The following SLC24A3 variants were observed in gnomAD, a reference collection of about 807,000 sequenced individuals.
SLC24A3 encodes sodium/potassium/calcium exchanger 3.
A neutral mutation model predicts 75.8 loss-of-function variants in SLC24A3; 28 were observed. The observed-to-expected ratio is 0.37, with a 90% CI of 0.27 to 0.51. SLC24A3 has a LOEUF of 0.51. Ranked by LOEUF, SLC24A3 falls within the 20% of genes least tolerant of loss-of-function variation. SLC24A3 has a pLI of 0.94. For missense variants in SLC24A3, 663 were observed against 847.8 expected (o/e 0.78, Z 2.71); for synonymous variants, 372 against 334.1 (o/e 1.11, Z -1.24).
chr20:19,328,998 G>A (rs1379997627), intron 2 of SLC24A3, among the ~76,000 whole-genome samples: 14 of 152,184 alleles, frequency 9.2e-5, no homozygotes, highest in Admixed American at 9.2e-4. Flanking sequence ...CACCAGGGAG[G>A]CGGGAGTGAG....
chr20:19,409,461 G>A (rs535383855), intron 2 of SLC24A3, among the ~76,000 whole-genome samples: 10 of 152,166 alleles, frequency 6.6e-5, no homozygotes, highest in South Asian at 2.1e-4. Context: ...GTTCTGTGCC[G>A]GATCAGACAA....
chr20:19,586,206 G>A (rs918106612), intron 6 of SLC24A3, among the ~76,000 whole-genome samples: 4 of 152,162 alleles, frequency 2.6e-5, no homozygotes, highest in East Asian at 1.9e-4. Flanking sequence ...GGCTCTGGGC[G>A]ACAAGCCTAC....
chr20:19,309,018 C>T (rs1043041916), intron 2 of SLC24A3, among the ~76,000 whole-genome samples: 3 of 152,152 alleles, frequency 2.0e-5, no homozygotes, highest in African/African-American at 4.8e-5. Context: ...AAATTGAAGC[C>T]ATGGATTCGT....
rs145985114 is a variant in SLC24A3, at chr20:19,618,694, A to G, written c.612+33150A>G. Among the ~76,000 whole-genome samples the G allele has an allele frequency of 2.0e-3, 300 of 152,314 alleles. 2 individuals are homozygous for G. Among genetic ancestry groups the G allele is most frequent in the African/African-American group, 6.7e-3 (279 of 41,570 alleles). ...CTGTTACCACATACGAAAAATGGGCACAGTGATAGTGCTTCCTAGTGGGAT... is the reference window on the plus strand; with the variant it reads ...CTGTTACCACATACGAAAAATGGGCGCAGTGATAGTGCTTCCTAGTGGGAT... On this transcript the variant is annotated intron_variant, in intron 6 of 16. Transcript: ENST00000328041.
intron 2 of SLC24A3, among the ~76,000 whole-genome samples, chr20:19,396,137 AT>A (rs73617285): frequency 0.12 from 17,938 of 152,142 alleles, 1,577 homozygotes; most frequent in East Asian, 0.32. Flanking sequence ...TCGTTACCAG[AT>A]GTTTAAATTT....
chr20:19,332,357 C>T (rs191536673), intron 2 of SLC24A3, among the ~76,000 whole-genome samples: 81 of 152,256 alleles, frequency 5.3e-4, no homozygotes, highest in African/African-American at 1.9e-3. Context: ...GCCCCCTTGC[C>T]TTGTTTCCCC....
chr20:19,454,831 G>A (rs1281045114), intron 2 of SLC24A3, among the ~76,000 whole-genome samples: 1 of 152,124 alleles, frequency 6.6e-6, no homozygotes, highest in Non-Finnish European at 1.5e-5. Flanking sequence ...TGCAGGAAGG[G>A]TGAACTCTGT....
chr20:19,527,640 A>T (rs2030222613), intron 3 of SLC24A3, among the ~76,000 whole-genome samples: 1 of 152,212 alleles, frequency 6.6e-6, no homozygotes, highest in Non-Finnish European at 1.5e-5. Context: ...TGTCTCTCTA[A>T]GAGGTCCAGA....
chr20:19,433,273 G>A (rs1486299960), intron 2 of SLC24A3, among the ~76,000 whole-genome samples: 2 of 152,094 alleles, frequency 1.3e-5, no homozygotes, highest in African/African-American at 4.8e-5. Context: ...TGGAGTTTGG[G>A]GATTGAAACT....
At chr20:19,374,832 C>G (rs557971945) in intron 2 of SLC24A3, among the ~76,000 whole-genome samples, 1 of 152,178 alleles carries the variant, frequency 6.6e-6, no homozygotes, top group South Asian at 2.1e-4. Flanking sequence ...CTCTGGCCTC[C>G]TAAGTGTAGC....
chr20:19,461,800 T>G (rs1231320105), intron 2 of SLC24A3, among the ~76,000 whole-genome samples: 1 of 152,166 alleles, frequency 6.6e-6, no homozygotes, highest in Non-Finnish European at 1.5e-5. Flanking sequence ...CCCTAAGTGC[T>G]GAAGTTACAG....
chr20:19,488,670 C>T (rs1315643966), intron 2 of SLC24A3, among the ~76,000 whole-genome samples: 1 of 152,198 alleles, frequency 6.6e-6, no homozygotes, highest in East Asian at 1.9e-4. Context: ...CTGAAATACG[C>T]AGGACCAGAA....
intron 2 of SLC24A3, among the ~76,000 whole-genome samples, chr20:19,433,844 T>C (rs2122456163): frequency 6.6e-6 from 1 of 152,312 alleles, no homozygotes; most frequent in East Asian, 1.9e-4. Context: ...CACATAAAGG[T>C]TCTTTTCTTT....
At chr20:19,461,297 AT>A (rs1291036699) in intron 2 of SLC24A3, among the ~76,000 whole-genome samples, 3 of 152,174 alleles carry the variant, frequency 2.0e-5, no homozygotes, top group Non-Finnish European at 4.4e-5. Flanking sequence ...CCCAAGAAAG[AT>A]TTGATTCTTA....
intron 3 of SLC24A3, among the ~76,000 whole-genome samples, chr20:19,543,861 G>A (rs1367668773): frequency 1.3e-5 from 2 of 152,206 alleles, no homozygotes; most frequent in Non-Finnish European, 2.9e-5. Context: ...TGTAAAGAAT[G>A]AGGTTTATCT....
At chr20:19,553,091 CTCCTTCCT>C (rs527538054) in intron 3 of SLC24A3, among the ~76,000 whole-genome samples, 2 of 129,522 alleles carry the variant, frequency 1.5e-5, no homozygotes, top group African/African-American at 2.9e-5. Flanking sequence ...CCCTCCCTCC[CTCCTTCCT>C]TCCTTCCTTC....
At chr20:19,274,478 G>A (rs1983423834) in intron 1 of SLC24A3, among the ~76,000 whole-genome samples, 2 of 152,062 alleles carry the variant, frequency 1.3e-5, no homozygotes, top group Admixed American at 1.3e-4. Flanking sequence ...TCTGTTTGGG[G>A]GATGTGTGGC....
chr20:19,259,223 G>A (rs1237804216), intron 1 of SLC24A3, among the ~76,000 whole-genome samples: 2 of 152,204 alleles, frequency 1.3e-5, no homozygotes, highest in African/African-American at 2.4e-5. Flanking sequence ...GAAATGAAAC[G>A]AGTGTGCAGC....
At position 19,246,224 on chromosome 20, in the gene SLC24A3, C is replaced by T. The variant is rs1196753911; in HGVS notation, c.142+33240C>T. Among the ~76,000 whole-genome samples, 3 of 151,526 alleles carry T rather than the reference C, an allele frequency of 2.0e-5. No individual in the cohort carries two copies. The East Asian group carries it at 5.8e-4, about 29-fold the overall frequency. The stretch of plus-strand genomic sequence containing the variant: ...TTTATTATATCACAGTAAAGGAAGA[C>T]TAAAATTAAATATGCTAATTGTTCA... On this transcript the variant is annotated intron_variant, in intron 1 of 16. Coordinates refer to ENST00000328041, the MANE Select transcript of SLC24A3 (RefSeq NM_020689.4).
Sources: allele counts gnomAD v4.1 joint callset (sites outside exome capture counted in the v4.1 genomes callset), GRCh38; gene constraint gnomAD v4.1.1; transcripts MANE v1.5; gene names NCBI Gene and HGNC (gene_info 2026-07-23, HGNC 2026-07-21).